Variants in FAM3C observed in about 807,000 individuals in gnomAD.
FAM3C encodes the protein FAM3 metabolism regulating signaling molecule C.
FAM3C carries 15 observed loss-of-function variants against 32.5 expected under a neutral mutation model. The observed-to-expected ratio is 0.46, with a 90% CI of 0.31 to 0.71. FAM3C has a LOEUF of 0.71. FAM3C is among the 30% of genes least tolerant of loss of function. The probability of loss-of-function intolerance (pLI) is 0.05; values close to 1 mark genes in which losing one functional copy is unlikely to be tolerated. For missense variants in FAM3C, 175 were observed against 274.4 expected (o/e 0.64, Z 2.56); for synonymous variants, 75 against 86.1 (o/e 0.87, Z 0.72).
chr7:121,356,039 G>GAA (rs11347177), intron 8 of FAM3C, among the ~76,000 whole-genome samples: 1 of 133,156 alleles, frequency 7.5e-6, no homozygotes, highest in East Asian at 2.3e-4. Flanking sequence ...CAGTGGTTTA[G>GAA]AAAAAAAAAA....
At chr7:121,358,993 AC>A (rs1298426933) in intron 8 of FAM3C, among the ~76,000 whole-genome samples, 1 of 151,978 alleles carries the variant, frequency 6.6e-6, no homozygotes, top group Non-Finnish European at 1.5e-5. Context: ...AGAAAAAAAA[AC>A]CACTTGTGAA....
chr7:121,384,441 A>G lies in FAM3C; in HGVS notation c.-41-1431T>C, dbSNP rs888652975. ...TCTGGCAAAACTGAACTCAGCTTTC[A>G]TAACATATACATGCTTTTCCTGCCA... On this transcript the variant is annotated intron_variant, in intron 1 of 9. Coordinates refer to ENST00000359943, the MANE Select transcript of FAM3C (RefSeq NM_014888.3). Among the ~76,000 whole-genome samples the G allele has an allele frequency of 2.6e-5, 4 of 152,210 alleles. No individual in the cohort carries two copies. In the East Asian group the frequency reaches 5.8e-4, roughly 22 times the overall value.
Position 121,351,169 on chromosome 7 carries a change from T to C in FAM3C, c.568A>G (p.Ile190Val), listed in dbSNP as rs200009932. The change falls in exon 9 of 10, where the codon ATT (isoleucine) becomes GTT (valine). Residue 190 changes from isoleucine to valine, a missense_variant. Coordinates refer to ENST00000359943, the MANE Select transcript of FAM3C (RefSeq NM_014888.3). ...TGTTCAAAAGGGCTTTTTGTCTTAA[T>C]GCCCTTCCCACCACAGAAGACCCAG... ...DNWVFCGGKG[I>V]KTKSPFEQHI... is the part of the protein sequence containing the mutation. The C allele has an allele frequency of 6.3e-5, 101 of 1,613,554 alleles. No individual in the cohort carries two copies. Among genetic ancestry groups the C allele is most frequent in the Non-Finnish European group, 8.1e-5 (95 of 1,179,698 alleles).
chr7:121,371,806 G>A (rs776221863), intron 4 of FAM3C, among the ~76,000 whole-genome samples: 5 of 151,990 alleles, frequency 3.3e-5, no homozygotes, highest in East Asian at 1.9e-4. Context: ...ACAAAAAATC[G>A]TCACCTCCAG....
intron 5 of FAM3C, among the ~76,000 whole-genome samples, chr7:121,367,356 G>A (rs976997420): frequency 1.3e-5 from 2 of 152,092 alleles, no homozygotes; most frequent in African/African-American, 4.8e-5. Flanking sequence ...TATAGCTCAC[G>A]AGCCAAATCC....
chr7:121,357,250 G>C (rs1448064619), intron 8 of FAM3C, among the ~76,000 whole-genome samples: 1 of 152,110 alleles, frequency 6.6e-6, no homozygotes, highest in Non-Finnish European at 1.5e-5. Flanking sequence ...AGTCAGCTGG[G>C]TCCTGCTTTC....
In FAM3C at chr7:121,364,141, G is replaced by C; in HGVS notation, c.320C>G (p.Ala107Gly). The change falls in exon 6 of 10, where the codon GCC becomes GGC. Residue 107 changes from alanine to glycine, a missense_variant. Physicochemically the swap from Ala to Gly is moderately conservative, Grantham distance 60. Transcript: ENST00000359943. The stretch of plus-strand genomic sequence containing the variant: ...ATAATTGTTCTTACCATTTGCCAAG[G>C]CAACATTGATCCCTCTTCCAACATT... ...KNNVGRGINV[A>G]LANGKTGEVL... 6.3e-7 allele frequency: 1 copy of C among 1,599,294 alleles called. No homozygotes were observed. The highest frequency in any genetic ancestry group is 8.6e-7 in the Non-Finnish European group (1 of 1,166,982).
intron 5 of FAM3C, among the ~76,000 whole-genome samples, 192 bp downstream of exon 5, chr7:121,371,108 C>T (rs1562888083): frequency 6.6e-6 from 1 of 152,158 alleles, no homozygotes; most frequent in Non-Finnish European, 1.5e-5. Context: ...CGTTCTTAGT[C>T]ACTCTCTAAT....
At chr7:121,351,307 G>A in intron 8 of FAM3C, 38 bp from the exon 9 acceptor site, 1 of 1,597,138 alleles carries the variant, frequency 6.3e-7, no homozygotes, top group Non-Finnish European at 8.5e-7. Context: ...AATAAACAGA[G>A]GGAACTGTAT....
At chr7:121,375,615 AC>A (rs1562889664) in intron 3 of FAM3C, among the ~76,000 whole-genome samples, 1 of 152,192 alleles carries the variant, frequency 6.6e-6, no homozygotes, top group Non-Finnish European at 1.5e-5. Flanking sequence ...GAAGATCCAA[AC>A]TAGGGCAAAG....
At chr7:121,385,396 T>C (rs1223051402) in intron 1 of FAM3C, among the ~76,000 whole-genome samples, 1 of 152,172 alleles carries the variant, frequency 6.6e-6, no homozygotes, top group Non-Finnish European at 1.5e-5. Context: ...GTAAGGTTCA[T>C]AATCACCTGA....
intron 1 of FAM3C, among the ~76,000 whole-genome samples, chr7:121,390,995 T>C (rs959748937): frequency 6.6e-6 from 1 of 151,846 alleles, no homozygotes; most frequent in African/African-American, 2.4e-5. Flanking sequence ...GGGCAACAGA[T>C]AAATCCAGAG....
chr7:121,375,449 AAGG>A (rs1736764929), intron 3 of FAM3C, among the ~76,000 whole-genome samples: 1 of 152,176 alleles, frequency 6.6e-6, no homozygotes, highest in Admixed American at 6.5e-5. Context: ...CACCCTAAGT[AAGG>A]AGTTTGGACT....
chr7:121,377,271 C>G (rs1218460579), intron 3 of FAM3C, among the ~76,000 whole-genome samples: 1 of 152,122 alleles, frequency 6.6e-6, no homozygotes. Flanking sequence ...GCAGAACTGT[C>G]AGACAATTAA....
rs541625891 is a variant in FAM3C, at chr7:121,392,452, G to A, written c.-42+3710C>T. Among the ~76,000 whole-genome samples the A allele has an allele frequency of 7.2e-5, 11 of 152,244 alleles. No homozygotes were observed. In the East Asian group the frequency reaches 9.6e-4, roughly 13 times the overall value. On this transcript the variant is annotated intron_variant, in intron 1 of 9. Coordinates refer to ENST00000359943, the MANE Select transcript of FAM3C (RefSeq NM_014888.3). ...AGATCTTGTAAGAACTCACTGTCAC[G>A]AGAACAACATGGGGGAAGCCGCCCT... is the stretch of plus-strand genomic sequence containing the variant.
At chr7:121,386,086 C>A (rs1240200692) in intron 1 of FAM3C, among the ~76,000 whole-genome samples, 1 of 152,146 alleles carries the variant, frequency 6.6e-6, no homozygotes, top group East Asian at 1.9e-4. Flanking sequence ...GGAATTGCTA[C>A]AAACTACCCA....
chr7:121,376,574 C>T (rs1001391086), intron 3 of FAM3C, among the ~76,000 whole-genome samples: 2 of 152,064 alleles, frequency 1.3e-5, no homozygotes, highest in Non-Finnish European at 1.5e-5. Context: ...ATCTCTAATC[C>T]GAAAATCTGA....
chr7:121,393,210 A>C (rs1022078000), intron 1 of FAM3C, among the ~76,000 whole-genome samples: 12 of 152,232 alleles, frequency 7.9e-5, no homozygotes, highest in African/African-American at 2.2e-4. Context: ...GTAATCCCAG[A>C]GCTTTGGGAG....
intron 6 of FAM3C, among the ~76,000 whole-genome samples, chr7:121,363,725 G>T (rs1793970468): frequency 1.3e-5 from 2 of 152,134 alleles, no homozygotes; most frequent in Admixed American, 1.3e-4. Context: ...GCTATCAGAA[G>T]AATGTGGCTG....
Sources: gnomAD v4.1 joint callset for allele counts (sites outside exome capture counted in the v4.1 genomes callset) on GRCh38, gnomAD v4.1.1 for gene constraint, MANE v1.5 for transcripts, NCBI Gene and HGNC (gene_info 2026-07-23, HGNC 2026-07-21) for gene names.